COL25A1: variants seen among roughly 807,000 people sequenced by gnomAD.
COL25A1 encodes collagen type XXV alpha 1 chain.
A neutral mutation model predicts 128.4 loss-of-function variants in COL25A1; 103 were observed. That is an observed-to-expected ratio of 0.80 (90% CI 0.68 to 0.94). The LOEUF (loss-of-function observed/expected upper bound fraction) is 0.94, where lower values mean the gene tolerates loss of function less well. COL25A1 is among the 40% of genes least tolerant of loss of function. COL25A1 has a pLI of 0.00. For synonymous variants in COL25A1, 279 were observed against 277.2 expected (o/e 1.01, Z -0.06); for missense variants, 745 against 840.0 (o/e 0.89, Z 1.40).
chr4:108,927,928 AT>A (rs1432405593), intron 11 of COL25A1, among the ~76,000 whole-genome samples: 3 of 152,176 alleles, frequency 2.0e-5, no homozygotes, highest in African/African-American at 7.2e-5. Context: ...ATAAAAATCT[AT>A]TTTTGATCAG....
intron 3 of COL25A1, among the ~76,000 whole-genome samples, chr4:109,252,776 A>T (rs35488796): frequency 0.3 from 45,268 of 152,056 alleles, 7,022 homozygotes; most frequent in Middle Eastern, 0.38. Context: ...AACTCTGCCC[A>T]CTAGGCGAGT....
chr4:108,831,664 G>GA (rs1310578310), intron 32 of COL25A1, among the ~76,000 whole-genome samples: 3 of 146,236 alleles, frequency 2.1e-5, no homozygotes, highest in Non-Finnish European at 4.5e-5. Context: ...AATAGTGGGA[G>GA]AAAAACAGAA....
At chr4:109,084,429 G>GA (rs1413602667) in intron 3 of COL25A1, among the ~76,000 whole-genome samples, 4 of 152,006 alleles carry the variant, frequency 2.6e-5, no homozygotes, top group African/African-American at 9.7e-5. Flanking sequence ...CTCTCAAAAT[G>GA]AAAAAAATCA....
At chr4:109,013,188 C>A (rs1233684707) in intron 5 of COL25A1, among the ~76,000 whole-genome samples, 1 of 152,116 alleles carries the variant, frequency 6.6e-6, no homozygotes, top group Non-Finnish European at 1.5e-5. Flanking sequence ...TGTAAACGCA[C>A]CAATCAGTGC....
At chr4:109,210,667 G>A (rs930054230) in intron 3 of COL25A1, among the ~76,000 whole-genome samples, 2 of 151,900 alleles carry the variant, frequency 1.3e-5, no homozygotes, top group African/African-American at 4.8e-5. Flanking sequence ...TTTTCTTTAG[G>A]TTGCAAAATA....
chr4:108,868,035 G>C (rs890782802), intron 20 of COL25A1, among the ~76,000 whole-genome samples: 1 of 152,126 alleles, frequency 6.6e-6, no homozygotes, highest in African/African-American at 2.4e-5. Context: ...GAGGCACTTA[G>C]GAATCTATAT....
intron 3 of COL25A1, among the ~76,000 whole-genome samples, chr4:109,064,362 T>A (rs1414258628): frequency 2.0e-5 from 3 of 152,236 alleles, no homozygotes; most frequent in Admixed American, 6.5e-5. Context: ...TATTTGGGCA[T>A]CCATAGTATG....
At chr4:108,962,422 A>C (rs1228756510) in intron 8 of COL25A1, among the ~76,000 whole-genome samples, 3 of 151,620 alleles carry the variant, frequency 2.0e-5, no homozygotes, top group Non-Finnish European at 4.4e-5. Flanking sequence ...CTCATGATCC[A>C]CCCGCCTCGG....
intron 5 of COL25A1, among the ~76,000 whole-genome samples, chr4:109,039,726 T>C (rs1305573698): frequency 2.0e-5 from 3 of 152,192 alleles, no homozygotes; most frequent in African/African-American, 4.8e-5. Flanking sequence ...TAGCAGAGGG[T>C]GTGGTATGTA....
intron 3 of COL25A1, among the ~76,000 whole-genome samples, chr4:109,280,822 T>G (rs1216741766): frequency 1.3e-5 from 2 of 152,082 alleles, no homozygotes; most frequent in Non-Finnish European, 2.9e-5. Flanking sequence ...ATTTTTTGTA[T>G]TTTTAGTAAA....
chr4:109,105,494 T>C (rs772615076), intron 3 of COL25A1, among the ~76,000 whole-genome samples: 1 of 152,110 alleles, frequency 6.6e-6, no homozygotes, highest in Admixed American at 6.5e-5. Flanking sequence ...CCATCTCAAA[T>C]AAACAAACAA....
intron 5 of COL25A1, among the ~76,000 whole-genome samples, chr4:109,035,585 A>C (rs945540676): frequency 2.0e-5 from 3 of 152,190 alleles, no homozygotes; most frequent in Admixed American, 6.5e-5. Flanking sequence ...GAATGAAAGA[A>C]ATTTCCTACT....
chr4:109,290,575 T>C (rs1724371603), intron 3 of COL25A1, among the ~76,000 whole-genome samples: 1 of 152,102 alleles, frequency 6.6e-6, no homozygotes, highest in Admixed American at 6.6e-5. Context: ...TGGGAAATTG[T>C]CAGTATGTCT....
intron 15 of COL25A1, among the ~76,000 whole-genome samples, chr4:108,898,003 A>C (rs1742348751): frequency 1.3e-5 from 2 of 152,122 alleles, no homozygotes; most frequent in Non-Finnish European, 1.5e-5. Context: ...CCAGTGACTA[A>C]TTAATTTCAG....
At chr4:109,225,774 T>A (rs939177120) in intron 3 of COL25A1, among the ~76,000 whole-genome samples, 5 of 152,056 alleles carry the variant, frequency 3.3e-5, no homozygotes, top group Non-Finnish European at 1.5e-5. Context: ...TTGTTAAATA[T>A]CTGTTTATAT....
intron 3 of COL25A1, among the ~76,000 whole-genome samples, chr4:109,261,570 G>C (rs944293562): frequency 3.9e-5 from 6 of 152,130 alleles, no homozygotes; most frequent in Admixed American, 3.9e-4. Context: ...TTTCCCGTTA[G>C]TAGGCAAAGT....
At chr4:109,218,357 G>GTTTTTTTTTTTTTTTGTTTTTTTT (rs1778172945) in intron 3 of COL25A1, among the ~76,000 whole-genome samples, 3 of 73,528 alleles carry the variant, frequency 4.1e-5, no homozygotes, top group East Asian at 1.0e-3. Flanking sequence ...GTTTTTTGGG[G>GTTTTTTTTTTTTTTTGTTTTTTTT]TTTTTTTTTT....
chr4:109,019,725 C>A (rs970638535), intron 5 of COL25A1, among the ~76,000 whole-genome samples: 1 of 152,004 alleles, frequency 6.6e-6, no homozygotes, highest in African/African-American at 2.4e-5. Context: ...GGGATTACAA[C>A]TGGAGATGAG....
chr4:109,073,057 G>A (rs1763104756), intron 3 of COL25A1, among the ~76,000 whole-genome samples: 1 of 152,056 alleles, frequency 6.6e-6, no homozygotes, highest in Admixed American at 6.6e-5. Context: ...TCAGTTTCCA[G>A]ATGGGATCAC....
Sources: allele counts gnomAD v4.1 joint callset (sites outside exome capture counted in the v4.1 genomes callset), GRCh38; gene constraint gnomAD v4.1.1; transcripts MANE v1.5; gene names NCBI Gene and HGNC (gene_info 2026-07-23, HGNC 2026-07-21).